The following CASK variants were observed in gnomAD, a reference collection of about 807,000 sequenced individuals.
CASK encodes calcium/calmodulin dependent serine protein kinase.
In CASK, 4 loss-of-function variants were observed where a neutral mutation model predicts 82.9. That is an observed-to-expected ratio of 0.05 (90% CI 0.02 to 0.11). CASK has a LOEUF of 0.11. CASK is among the 10% of genes least tolerant of loss of function. CASK has a pLI of 1.00. For synonymous variants in CASK, 259 were observed against 253.5 expected, an observed-to-expected ratio of 1.02 and a Z score of -0.20; for missense variants, 358 against 720.9, an observed-to-expected ratio of 0.50 and a Z score of 5.76.
intron 16 of CASK, among the ~76,000 whole-genome samples, chrX:41,563,040 C>CAAAAAAAA (rs141364032): frequency 1.4e-4 from 3 of 22,189 alleles, no homozygotes; most frequent in Non-Finnish European, 1.4e-4. Flanking sequence ...GACTCCATCT[C>CAAAAAAAA]AAAAAAAAAA....
At chrX:41,812,065 A>G (rs1602661729) in intron 2 of CASK, among the ~76,000 whole-genome samples, 1 of 111,840 alleles carries the variant, frequency 8.9e-6, no homozygotes, top group Non-Finnish European at 1.9e-5. Flanking sequence ...TGAATAGACC[A>G]ATAACAGGCT....
intron 1 of CASK, among the ~76,000 whole-genome samples, chrX:41,857,855 A>G (rs1416710315): frequency 8.9e-6 from 1 of 112,013 alleles, no homozygotes; most frequent in Admixed American, 9.5e-5. Context: ...AAGTGGGGGT[A>G]AAGATGTGCA....
At chrX:41,529,973 C>G (rs1299147818) in intron 25 of CASK, among the ~76,000 whole-genome samples, 1 of 111,830 alleles carries the variant, frequency 8.9e-6, no homozygotes, top group African/African-American at 3.3e-5. Context: ...GTTAGGGGAC[C>G]AAGTCTCATA....
intron 16 of CASK, chrX:41,562,491 A>G (rs1227925048): frequency 8.9e-6 from 1 of 112,287 alleles, no homozygotes; most frequent in African/African-American, 3.2e-5. Context: ...CCATAAAGCA[A>G]GTCTCAACAA....
chrX:41,788,101 G>A (rs756836273), intron 2 of CASK, among the ~76,000 whole-genome samples: 17 of 103,738 alleles, frequency 1.6e-4, no homozygotes, highest in Admixed American at 1.3e-3. Context: ...AAGTTGCAGT[G>A]AGCCGGGATC....
At chrX:41,590,847 C>T (rs2065735020) in intron 12 of CASK, among the ~76,000 whole-genome samples, 1 of 110,316 alleles carries the variant, frequency 9.1e-6, no homozygotes, top group South Asian at 3.9e-4. Flanking sequence ...TGACTATAAA[C>T]ATTCTTCAGA....
At chrX:41,850,472 A>C (rs1417203980) in intron 2 of CASK, among the ~76,000 whole-genome samples, 2 of 112,060 alleles carry the variant, frequency 1.8e-5, no homozygotes, top group African/African-American at 6.5e-5. Context: ...CAAACCACTA[A>C]GCCAAAAATA....
chrX:41,690,026 T>C (rs1456234935), intron 5 of CASK, among the ~76,000 whole-genome samples: 1 of 111,242 alleles, frequency 9.0e-6, no homozygotes, highest in Non-Finnish European at 1.9e-5. Flanking sequence ...GCACTAATAC[T>C]AGGTTTTTGA....
chrX:41,744,348 T>A (rs1197693290), intron 4 of CASK, among the ~76,000 whole-genome samples: 1 of 98,801 alleles, frequency 1.0e-5, no homozygotes, highest in Non-Finnish European at 2.1e-5. Context: ...TATTTACTTC[T>A]TTTTTTTTTT....
At chrX:41,804,518 A>G (rs1275054554) in intron 2 of CASK, among the ~76,000 whole-genome samples, 4 of 111,739 alleles carry the variant, frequency 3.6e-5, no homozygotes, top group African/African-American at 9.8e-5. Flanking sequence ...AAAATAAGAG[A>G]GCAAAAAAAC....
intron 1 of CASK, among the ~76,000 whole-genome samples, chrX:41,885,714 G>A (rs781778447): frequency 9.0e-5 from 10 of 111,657 alleles, no homozygotes; most frequent in East Asian, 2.8e-4. Context: ...GTAGTGGTAC[G>A]AGAACTCTAC....
rs368615741 is a variant in CASK, at chrX:41,587,005, T to G, written c.1234-18A>C. 1.1e-6 allele frequency: 1 copy of G among 881,436 alleles called. No individual in the cohort carries two copies. Among genetic ancestry groups the G allele is most frequent in the Non-Finnish European group, 1.7e-6 (1 of 599,920 alleles). The allele number at this position is 881,436 out of a possible 1,213,427, so 72.6% of individuals were successfully genotyped here. On this transcript the variant is annotated intron_variant, in intron 13 of 26. Transcript: ENST00000378163. ...TCCAATACCTAAAAAATAAACAAGA[T>G]ATACAATAATACAAACATGACACAA...
chrX:41,857,457 A>G (rs2071393136), intron 1 of CASK, among the ~76,000 whole-genome samples: 1 of 111,765 alleles, frequency 8.9e-6, no homozygotes, highest in Non-Finnish European at 1.9e-5. Flanking sequence ...GGAAGATAGA[A>G]CCAAAAACAA....
At chrX:41,544,330 G>C (rs1422023227) in intron 21 of CASK, among the ~76,000 whole-genome samples, 1 of 111,528 alleles carries the variant, frequency 9.0e-6, no homozygotes, top group African/African-American at 3.3e-5. Context: ...ACTCTGGGAG[G>C]CTGAGGCGGG....
chrX:41,680,754 A>G (rs1170826488), intron 5 of CASK, among the ~76,000 whole-genome samples: 1 of 109,643 alleles, frequency 9.1e-6, no homozygotes, highest in South Asian at 3.9e-4. Flanking sequence ...CGTCTCTACT[A>G]AAAATACAAA....
At chrX:41,887,421 G>A (rs765010854) in intron 1 of CASK, among the ~76,000 whole-genome samples, 5 of 109,427 alleles carry the variant, frequency 4.6e-5, no homozygotes, top group Non-Finnish European at 7.6e-5. Flanking sequence ...ATAAAACTGG[G>A]TATGATACAT....
At chrX:41,817,115 A>G (rs1188518262) in intron 2 of CASK, among the ~76,000 whole-genome samples, 1 of 112,190 alleles carries the variant, frequency 8.9e-6, no homozygotes, top group African/African-American at 3.2e-5. Flanking sequence ...TGATGTCAAT[A>G]AACTAAAAAG....
intron 2 of CASK, among the ~76,000 whole-genome samples, chrX:41,793,748 T>C (rs1238654620): frequency 8.9e-6 from 1 of 112,100 alleles, no homozygotes; most frequent in Non-Finnish European, 1.9e-5. Flanking sequence ...ATGAAAGTCA[T>C]TATTGACTCA....
intron 2 of CASK, among the ~76,000 whole-genome samples, chrX:41,795,024 T>A (rs2069820251): frequency 8.9e-6 from 1 of 111,882 alleles, no homozygotes; most frequent in South Asian, 3.7e-4. Context: ...AAGCAATTTG[T>A]GGTCTGTTTC....
Sources: allele counts gnomAD v4.1 joint callset (sites outside exome capture counted in the v4.1 genomes callset), GRCh38; gene constraint gnomAD v4.1.1; transcripts MANE v1.5; gene names NCBI Gene and HGNC (gene_info 2026-07-23, HGNC 2026-07-21).